The following DAPK1 variants were observed in gnomAD, a reference collection of about 807,000 sequenced individuals.
The protein encoded by DAPK1 is death associated protein kinase 1.
DAPK1 carries 56 observed loss-of-function variants against 144.9 expected under a neutral mutation model. The observed-to-expected ratio is 0.39, with a 90% CI of 0.31 to 0.48. The LOEUF (loss-of-function observed/expected upper bound fraction) is 0.48, where lower values mean the gene tolerates loss of function less well. Among genes scored for constraint, DAPK1 ranks in the 20% least tolerant of loss-of-function variants. The pLI is 0.95. For missense variants in DAPK1, 1,454 were observed against 1,875.4 expected, an observed-to-expected ratio of 0.78 and a Z score of 4.15; for synonymous variants, 690 against 749.0, an observed-to-expected ratio of 0.92 and a Z score of 1.29.
chr9:87,640,272 TC>T, intron 7 of DAPK1, 25 bp from the exon 8 acceptor site: 1 of 1,605,472 alleles, frequency 6.2e-7, no homozygotes, highest in South Asian at 1.1e-5. Flanking sequence ...TCATTAATGT[TC>T]TATGCCCAAC....
Position 87,686,527 on chromosome 9 carries a change from CAT to C in DAPK1, c.2225-23_2225-22del, listed in dbSNP as rs1393923133. ...GCACACGCTGCCCCCATCGAGTACT[CAT>C]GTGATCCTTTCCATCCTGCAGTCTC... On this transcript the variant is annotated intron_variant, in intron 20 of 25. Transcript: ENST00000408954. This position sits in a 1 kb window ranked among gnomAD's most constrained non-coding sequence, Gnocchi z 4.2. 9.9e-6 allele frequency: 14 copies of C among 1,419,988 alleles called. No individual in the cohort carries two copies. Among genetic ancestry groups the C allele is most frequent in the Non-Finnish European group, 1.3e-5 (13 of 1,027,496 alleles). 88.0% of individuals were successfully genotyped at this position (1,419,988 alleles called of 1,614,324 possible).
intron 14 of DAPK1, chr9:87,648,514 C>G: frequency 2.4e-6 from 1 of 415,038 alleles, no homozygotes; most frequent in African/African-American, 2.0e-5. Flanking sequence ...CTGAGAACAG[C>G]TATCATGGAA....
At chr9:87,622,871 A>G (rs1829350671) in intron 3 of DAPK1, among the ~76,000 whole-genome samples, 1 of 152,110 alleles carries the variant, frequency 6.6e-6, no homozygotes, top group African/African-American at 2.4e-5. Flanking sequence ...AGATTGCACC[A>G]CTGCACCCCA....
At chr9:87,688,529 C>T (rs1229834397) in intron 21 of DAPK1, among the ~76,000 whole-genome samples, 1 of 152,190 alleles carries the variant, frequency 6.6e-6, no homozygotes. Context: ...TCCACAGTGG[C>T]TGAACTTATT....
intron 17 of DAPK1, among the ~76,000 whole-genome samples, chr9:87,652,830 CT>C (rs1415395292): frequency 7.3e-5 from 11 of 149,958 alleles, no homozygotes; most frequent in African/African-American, 2.5e-4. Flanking sequence ...GTCCATCCCC[CT>C]GATCCCAGGT....
chr9:87,535,559 G>C lies in DAPK1; in HGVS notation c.62+36420G>C, dbSNP rs574958596. ...TATAATGTTCCTTTAATGTAATACT[G>C]TCTATAAATGTGATTTTTTTTTCTC... On this transcript the variant is annotated intron_variant, in intron 2 of 25. Transcript: ENST00000408954. 6.6e-5 allele frequency among the ~76,000 whole-genome samples: 10 copies of C among 152,056 alleles called. No homozygotes were observed. In the South Asian group the frequency reaches 1.7e-3, roughly 25 times the overall value.
chr9:87,664,512 C>G (rs1293556157), intron 18 of DAPK1, among the ~76,000 whole-genome samples: 1 of 152,232 alleles, frequency 6.6e-6, no homozygotes, highest in East Asian at 1.9e-4. Flanking sequence ...CAACATTCAC[C>G]TCCAGCCCAG....
rs36208058 is a variant in DAPK1 at position 87,610,407 on chromosome 9, G to A, written c.284+5232G>A. Among the ~76,000 whole-genome samples, 283 of 152,344 alleles carry A rather than the reference G, an allele frequency of 1.9e-3. 2 individuals are homozygous for A. Among genetic ancestry groups the A allele is most frequent in the Non-Finnish European group, 2.0e-3 (135 of 68,040 alleles). ...AACTTTCACCTTCAGTGCTTGAATC[G>A]TTTCATAACTCGCCTTGTTATCTGG... On this transcript the variant is annotated intron_variant, in intron 3 of 25. Transcript: ENST00000408954.
In DAPK1 at chr9:87,635,066, G is replaced by T. The variant is rs533029393; in HGVS notation, c.285-2877G>T. 2.6e-5 allele frequency among the ~76,000 whole-genome samples: 4 copies of T among 152,274 alleles called. No individual in the cohort carries two copies. The East Asian group carries it at 7.7e-4, about 29-fold the overall frequency. Reference sequence around the variant, plus strand: ...TCAGCAAGGTTGGAGGCCCTGGCAGGATTTGAACCATGGTCCCCTCGTTTT... The same window carrying T: ...TCAGCAAGGTTGGAGGCCCTGGCAGTATTTGAACCATGGTCCCCTCGTTTT... On this transcript the variant is annotated intron_variant, in intron 3 of 25. Coordinates refer to ENST00000408954, the MANE Select transcript of DAPK1 (RefSeq NM_004938.4).
intron 2 of DAPK1, among the ~76,000 whole-genome samples, chr9:87,541,420 G>A (rs1826047091): frequency 6.6e-6 from 1 of 152,082 alleles, no homozygotes; most frequent in African/African-American, 2.4e-5. Flanking sequence ...GTGGTGGTGT[G>A]TGCCTGTAAT....
Position 87,686,494 on chromosome 9 carries a change from G to T in DAPK1, c.2225-57G>T. ...GGAAACCTCAGGGCCAGCCTGGGAGGGAGACAGGCACACGCTGCCCCCATC... is the reference window on the plus strand; with the variant it reads ...GGAAACCTCAGGGCCAGCCTGGGAGTGAGACAGGCACACGCTGCCCCCATC... On this transcript the variant is annotated intron_variant, in intron 20 of 25. Coordinates refer to ENST00000408954, the MANE Select transcript of DAPK1 (RefSeq NM_004938.4). This position sits in a 1 kb window ranked among gnomAD's most constrained non-coding sequence, Gnocchi z 4.2. 2 of 980,874 alleles carry T rather than the reference G, an allele frequency of 2.0e-6. No individual in the cohort carries two copies. The highest frequency in any genetic ancestry group is 2.6e-5 in the East Asian group (1 of 38,222). 60.8% of individuals were successfully genotyped at this position (980,874 alleles called of 1,614,324 possible).
chr9:87,666,279 A>C (rs1448967589), intron 18 of DAPK1, among the ~76,000 whole-genome samples: 1 of 152,006 alleles, frequency 6.6e-6, no homozygotes, highest in Non-Finnish European at 1.5e-5. Flanking sequence ...TGAGTGACCC[A>C]CCACATAGCC....
At chr9:87,640,893 T>C in intron 9 of DAPK1, 46 bp downstream of exon 9, 1 of 1,573,206 alleles carries the variant, frequency 6.4e-7, no homozygotes, top group Non-Finnish European at 8.8e-7. Context: ...TCTATGTGAT[T>C]GGTTTGGGCA....
intron 2 of DAPK1, among the ~76,000 whole-genome samples, chr9:87,575,919 A>G (rs1827539552): frequency 6.6e-6 from 1 of 152,216 alleles, no homozygotes; most frequent in Admixed American, 6.5e-5. Context: ...GAAGGTACAG[A>G]TAGAATTTAT....
intron 2 of DAPK1, among the ~76,000 whole-genome samples, chr9:87,572,633 G>A (rs999387378): frequency 3.9e-5 from 6 of 152,056 alleles, no homozygotes; most frequent in Non-Finnish European, 8.8e-5. Flanking sequence ...CACCTTGCTT[G>A]TGCTCTCCCC....
intron 3 of DAPK1, among the ~76,000 whole-genome samples, chr9:87,619,112 G>T (rs184380405): frequency 3.4e-4 from 51 of 152,130 alleles, no homozygotes; most frequent in African/African-American, 1.2e-3. Flanking sequence ...GATCACACCT[G>T]TTCCCCTGTA....
In DAPK1 at chr9:87,707,920, G is replaced by C. The variant is rs982395720; in HGVS notation, c.*556G>C. ...GCCTTTTGCAGAAGAGGGTGTGTTT[G>C]AAATCATCGGAGTCAGCCAGGAGCT... On this transcript the variant is annotated 3_prime_UTR_variant, in exon 26 of 26. Transcript: ENST00000408954. This position sits in a 1 kb window ranked among gnomAD's most constrained non-coding sequence, Gnocchi z 4.0. The C allele has an allele frequency of 2.2e-6, 1 of 455,236 alleles. No homozygotes were observed. Among genetic ancestry groups the C allele is most frequent in the Non-Finnish European group, 4.4e-6 (1 of 226,558 alleles). 28.2% of individuals were successfully genotyped at this position (455,236 alleles called of 1,614,324 possible). A position where few individuals can be genotyped will look rare whatever the true frequency, so the allele number is the denominator to read the frequency against.
At position 87,649,679 on chromosome 9, in the gene DAPK1, A is replaced by T. The variant is rs560970382; in HGVS notation, c.1429-242A>T. On this transcript the variant is annotated intron_variant, in intron 15 of 25. Coordinates refer to ENST00000408954, the MANE Select transcript of DAPK1 (RefSeq NM_004938.4). ...TGAGAAAGCCAAATTCATCAAACAC[A>T]CAAGTGTTGAGGAAGGAAAACTAAT... Among the ~76,000 whole-genome samples, 42 of 152,288 alleles carry T rather than the reference A, an allele frequency of 2.8e-4. 1 individual carries two copies. The highest frequency in any genetic ancestry group is 9.9e-4 in the African/African-American group (41 of 41,574).
intron 3 of DAPK1, among the ~76,000 whole-genome samples, chr9:87,623,530 C>T (rs757507677): frequency 2.6e-5 from 4 of 152,054 alleles, no homozygotes; most frequent in East Asian, 1.9e-4. Flanking sequence ...GTGCTGGTAG[C>T]GACAGTCCGT....
Sources: gnomAD v4.1 joint callset for allele counts (sites outside exome capture counted in the v4.1 genomes callset) on GRCh38, gnomAD v4.1.1 for gene constraint, Gnocchi (gnomAD v3.1) non-coding constraint, MANE v1.5 for transcripts, NCBI Gene and HGNC (gene_info 2026-07-23, HGNC 2026-07-21) for gene names.